Variants in ARFGEF1 observed in about 807,000 individuals in gnomAD.
ARFGEF1 encodes the protein brefeldin A-inhibited guanine nucleotide-exchange protein 1.
A neutral mutation model predicts 231.0 loss-of-function variants in ARFGEF1; 42 were observed. That is an observed-to-expected ratio of 0.18 (90% CI 0.14 to 0.24). ARFGEF1 has a LOEUF of 0.24. Ranked by LOEUF, ARFGEF1 falls within the 10% of genes least tolerant of loss-of-function variation. The pLI, the probability that ARFGEF1 is intolerant of heterozygous loss-of-function variation, is 1.00. For missense variants in ARFGEF1, 1,345 were observed against 2,192.0 expected (o/e 0.61, Z 7.72); for synonymous variants, 710 against 732.3 (o/e 0.97, Z 0.49).
chr8:67,276,176 T>C, intron 8 of ARFGEF1, 67 bp from the exon 9 acceptor site: 1 of 1,547,756 alleles, frequency 6.5e-7, no homozygotes, highest in Non-Finnish European at 8.8e-7. Context: ...TTCAGCCTTC[T>C]ACTGTATTTC....
intron 7 of ARFGEF1, among the ~76,000 whole-genome samples, chr8:67,278,782 A>G (rs1805415269): frequency 6.6e-6 from 1 of 152,114 alleles, no homozygotes. Flanking sequence ...AGAGGTCAAA[A>G]AAACTGGATA....
chr8:67,201,818 C>G (rs548826629), intron 36 of ARFGEF1: 1 of 554,382 alleles, frequency 1.8e-6, no homozygotes, highest in Non-Finnish European at 3.0e-6. Flanking sequence ...AAACTTGTGG[C>G]CTGGGAAGGT....
At chr8:67,200,263 TGC>T in intron 38 of ARFGEF1, 131 bp downstream of exon 38, 1 of 738,402 alleles carries the variant, frequency 1.4e-6, no homozygotes, top group Non-Finnish European at 2.5e-6. Context: ...CTGGTGGCTT[TGC>T]ACAAGCAGCA....
chr8:67,189,599 AGTG>A (rs370642948), intron 5 of ARFGEF1, among the ~76,000 whole-genome samples: 87 of 152,338 alleles, frequency 5.7e-4, no homozygotes, highest in African/African-American at 1.9e-3. Flanking sequence ...AAACAATGAT[AGTG>A]TTGTATAAAT....
At chr8:67,235,785 AGAGT>A (rs1294833224) in intron 22 of ARFGEF1, among the ~76,000 whole-genome samples, 1 of 152,216 alleles carries the variant, frequency 6.6e-6, no homozygotes, top group Admixed American at 6.5e-5. Flanking sequence ...CCTCAACAAC[AGAGT>A]GAGACCTTGT....
intron 1 of ARFGEF1, among the ~76,000 whole-genome samples, chr8:67,315,311 T>A (rs1277526313): frequency 2.0e-5 from 3 of 152,318 alleles, no homozygotes; most frequent in African/African-American, 7.2e-5. Flanking sequence ...CTATTTTAGC[T>A]GAAGAAGTAA....
chr8:67,310,969 G>GGGGT lies in ARFGEF1; in HGVS notation c.125-8504_125-8503insACCC, dbSNP rs775125363. On this transcript the variant is annotated intron_variant, in intron 1 of 38. Coordinates refer to ENST00000262215, the MANE Select transcript of ARFGEF1 (RefSeq NM_006421.5). ...CCACCCCGTCCAGGAGGGAGGTGGG[G>GGGGT]CCCGGGAGGGAGGTTGGGGGGTCAG... is the stretch of plus-strand genomic sequence containing the variant. Among the ~76,000 whole-genome samples the GGGGT allele has an allele frequency of 1.5e-3, 7 of 4,590 alleles. No homozygotes were observed. In the South Asian group the frequency reaches 0.033, roughly 22 times the overall value. The allele number at this position is 4,590 out of a possible 152,430, so 3.0% of individuals were successfully genotyped here.
At chr8:67,291,431 T>TTTTA (rs1554646249) in intron 6 of ARFGEF1, among the ~76,000 whole-genome samples, 1 of 151,556 alleles carries the variant, frequency 6.6e-6, no homozygotes, top group East Asian at 1.9e-4. Flanking sequence ...TTTTTTTTTT[T>TTTTA]ACCATAATCA....
At chr8:67,336,655 T>C (rs1808356854) in intron 1 of ARFGEF1, among the ~76,000 whole-genome samples, 3 of 152,162 alleles carry the variant, frequency 2.0e-5, no homozygotes, top group Admixed American at 1.3e-4. Context: ...TGTGACTGTG[T>C]CCCTTCCTCT....
chr8:67,189,466 G>A (rs918980683), intron 5 of ARFGEF1, among the ~76,000 whole-genome samples: 3 of 152,100 alleles, frequency 2.0e-5, no homozygotes, highest in South Asian at 2.1e-4. Context: ...GAAAAGGCAT[G>A]GAAGGACCCA....
intron 29 of ARFGEF1, among the ~76,000 whole-genome samples, chr8:67,222,224 T>TATACACACAC (rs1491303187): frequency 4.3e-5 from 4 of 92,482 alleles, no homozygotes; most frequent in African/African-American, 1.8e-4. Flanking sequence ...TATATATATA[T>TATACACACAC]GTATATGTAT....
intron 35 of ARFGEF1, 122 bp downstream of exon 35, chr8:67,204,558 A>T: frequency 8.3e-7 from 1 of 1,202,930 alleles, no homozygotes; most frequent in Non-Finnish European, 1.1e-6. Flanking sequence ...CTCATGGTTT[A>T]AAAGGACATC....
intron 1 of ARFGEF1, among the ~76,000 whole-genome samples, chr8:67,339,441 G>A (rs1470180517): frequency 1.3e-5 from 2 of 151,968 alleles, no homozygotes; most frequent in Non-Finnish European, 2.9e-5. Context: ...AGCTGAACTA[G>A]TCACAACCCT....
At chr8:67,203,318 A>C (rs973051495) in intron 35 of ARFGEF1, 67 bp from the exon 36 acceptor site, 16 of 1,543,528 alleles carry the variant, frequency 1.0e-5, no homozygotes, top group Non-Finnish European at 1.2e-5. Context: ...TTACAACTCA[A>C]TGCTCCCCAA....
At chr8:67,295,744 T>C (rs1806205539) in intron 5 of ARFGEF1, among the ~76,000 whole-genome samples, 1 of 152,154 alleles carries the variant, frequency 6.6e-6, no homozygotes, top group Non-Finnish European at 1.5e-5. Context: ...TGTGGTTTAG[T>C]TAACAGTATT....
At chr8:67,204,978 A>C (rs1838460262) in intron 34 of ARFGEF1, 159 bp from the exon 35 acceptor site, 3 of 817,914 alleles carry the variant, frequency 3.7e-6, no homozygotes, top group Non-Finnish European at 5.5e-6. Flanking sequence ...ACTCAGTAAA[A>C]GTTTAACTGA....
At chr8:67,195,786 A>G (rs1837824646), downstream of ARFGEF1, 5 of 560,680 alleles carry the variant, frequency 8.9e-6, no homozygotes, top group South Asian at 1.2e-4. Flanking sequence ...TATATAATAG[A>G]ATTGTATAGA....
intron 30 of ARFGEF1, among the ~76,000 whole-genome samples, chr8:67,218,733 T>C (rs1264942706): frequency 6.6e-6 from 1 of 152,124 alleles, no homozygotes; most frequent in Non-Finnish European, 1.5e-5. Flanking sequence ...TCTTGACACA[T>C]TTCCTAAAAT....
intron 1 of ARFGEF1, among the ~76,000 whole-genome samples, chr8:67,336,740 G>A (rs1408384787): frequency 6.6e-6 from 1 of 152,124 alleles, no homozygotes; most frequent in Non-Finnish European, 1.5e-5. Flanking sequence ...ACTTCACCTT[G>A]AGATCTTTCA....
Sources: gnomAD v4.1 joint callset for allele counts (sites outside exome capture counted in the v4.1 genomes callset) on GRCh38, gnomAD v4.1.1 for gene constraint, MANE v1.5 for transcripts, NCBI Gene and HGNC (gene_info 2026-07-23, HGNC 2026-07-21) for gene names.